The following COL5A2 variants were observed in gnomAD, a reference collection of about 807,000 sequenced individuals.
COL5A2 encodes the protein collagen type V alpha 2 chain.
Under a neutral mutation model 208.2 loss-of-function variants are expected in COL5A2, and 23 were observed. The ratio of observed to expected loss-of-function variants is 0.11; its 90% CI spans 0.08 to 0.16. The LOEUF is 0.16. Ranked by LOEUF, COL5A2 falls within the 10% of genes least tolerant of loss-of-function variation. The probability of loss-of-function intolerance (pLI) is 1.00; values close to 1 mark genes in which losing one functional copy is unlikely to be tolerated. For missense variants in COL5A2, 1,590 were observed against 1,956.4 expected (o/e 0.81, Z 3.53); for synonymous variants, 625 against 628.5 (o/e 0.99, Z 0.08).
chr2:189,094,587 TGACACACA>T (rs1203950588), intron 6 of COL5A2, among the ~76,000 whole-genome samples: 3 of 5,208 alleles, frequency 5.8e-4, no homozygotes, highest in Non-Finnish European at 7.3e-4. Context: ...TCTTTCTCTC[TGACACACA>T]CACACACACA....
the COL5A2 span, among the ~76,000 whole-genome samples, chr2:189,399,252 ATT>A: frequency 0.17 from 23,426 of 140,372 alleles, 1,816 homozygotes; most frequent in South Asian, 0.21. Flanking sequence ...TTATTTTACG[ATT>A]TTTTTTTTTT....
At chr2:189,260,532 G>C in the COL5A2 span, among the ~76,000 whole-genome samples, 1 of 152,116 alleles carries the variant, frequency 6.6e-6, no homozygotes, top group Non-Finnish European at 1.5e-5. Flanking sequence ...ATCCGGCAAA[G>C]GCTGAGAAAT....
the COL5A2 span, among the ~76,000 whole-genome samples, chr2:189,409,698 C>G: frequency 6.6e-6 from 1 of 151,836 alleles, no homozygotes; most frequent in South Asian, 2.1e-4. Flanking sequence ...TTTATAACAC[C>G]TTTTTATAAT....
the COL5A2 span, among the ~76,000 whole-genome samples, chr2:189,358,065 A>G: frequency 2.0e-5 from 3 of 152,020 alleles, no homozygotes; most frequent in African/African-American, 7.2e-5. Context: ...CCACTGTCCA[A>G]CCAGTCCCAA....
At chr2:189,105,041 A>G (rs542411269) in intron 2 of COL5A2, among the ~76,000 whole-genome samples, 3 of 151,828 alleles carry the variant, frequency 2.0e-5, no homozygotes, top group Admixed American at 2.0e-4. Flanking sequence ...GATGTACTTT[A>G]TCATCTAACC....
At chr2:189,273,059 T>C in the COL5A2 span, among the ~76,000 whole-genome samples, 34 of 152,148 alleles carry the variant, frequency 2.2e-4, no homozygotes, top group African/African-American at 8.0e-4. Flanking sequence ...ACTAGATAGA[T>C]CAAAACACTG....
the COL5A2 span, among the ~76,000 whole-genome samples, chr2:189,425,714 G>A: frequency 6.6e-6 from 1 of 152,102 alleles, no homozygotes; most frequent in Admixed American, 6.6e-5. Flanking sequence ...AATCATGGGG[G>A]CAGTTTCTCA....
chr2:189,303,243 T>C, the COL5A2 span, among the ~76,000 whole-genome samples: 1 of 152,194 alleles, frequency 6.6e-6, no homozygotes, highest in African/African-American at 2.4e-5. Context: ...GTTTCACGCA[T>C]GCATGGAAAT....
chr2:189,090,805 C>G (rs1576520120), intron 7 of COL5A2, among the ~76,000 whole-genome samples: 1 of 152,124 alleles, frequency 6.6e-6, no homozygotes, highest in African/African-American at 2.4e-5. Flanking sequence ...ATATTTCAAG[C>G]CCACTATTGA....
chr2:189,108,229 C>T (rs1473769905), intron 2 of COL5A2, among the ~76,000 whole-genome samples: 3 of 151,734 alleles, frequency 2.0e-5, no homozygotes, highest in African/African-American at 7.2e-5. Flanking sequence ...AATAAATGCT[C>T]ACATAAGTTC....
chr2:189,434,218 A>G, the COL5A2 span, among the ~76,000 whole-genome samples: 2 of 152,228 alleles, frequency 1.3e-5, no homozygotes, highest in African/African-American at 2.4e-5. Flanking sequence ...CCCACAGCGA[A>G]TATCATACTG....
At chr2:189,171,824 A>G (rs1166613509) in intron 1 of COL5A2, among the ~76,000 whole-genome samples, 2 of 152,192 alleles carry the variant, frequency 1.3e-5, no homozygotes, top group Non-Finnish European at 2.9e-5. Flanking sequence ...CTAGGAAGAG[A>G]ATATCCAGAG....
the COL5A2 span, among the ~76,000 whole-genome samples, chr2:189,419,912 G>A: frequency 5.5e-5 from 8 of 145,688 alleles, no homozygotes; most frequent in African/African-American, 2.0e-4. Flanking sequence ...AAGAGGAGGA[G>A]GAGAAGAAGG....
At position 189,064,637 on chromosome 2, in the gene COL5A2, C is replaced by T. The variant is rs369506320; in HGVS notation, c.1636G>A (p.Gly546Ser). ...TTGGGTCCTGAAGAACCTACAGGACCCCGTTCTCCTTGAGCACCCTGTACC... is the reference window on the plus strand; with the variant it reads ...TTGGGTCCTGAAGAACCTACAGGACTCCGTTCTCCTTGAGCACCCTGTACC... Reference protein sequence around the residue: ...PGPKGAQGERGPVGSSGPKGS... With the variant: ...PGPKGAQGERSPVGSSGPKGS... The change falls in exon 25 of 54, where the codon GGT becomes AGT. Residue 546 changes from glycine (G) to serine (S), a missense_variant. Coordinates refer to ENST00000374866, the MANE Select transcript of COL5A2 (RefSeq NM_000393.5). 4.3e-6 allele frequency: 7 copies of T among 1,613,474 alleles called. No individual in the cohort carries two copies. The highest frequency in any genetic ancestry group is 5.9e-6 in the Non-Finnish European group (7 of 1,179,802).
At chr2:189,440,269 T>C in the COL5A2 span, among the ~76,000 whole-genome samples, 1 of 152,226 alleles carries the variant, frequency 6.6e-6, no homozygotes, top group Non-Finnish European at 1.5e-5. Flanking sequence ...TGTGGCTTAA[T>C]GATGGGGATA....
intron 50 of COL5A2, among the ~76,000 whole-genome samples, chr2:189,040,567 C>A (rs1411892252): frequency 6.6e-6 from 1 of 152,158 alleles, no homozygotes; most frequent in Admixed American, 6.5e-5. Context: ...TGGAGTTCTA[C>A]TATTGGCTCT....
chr2:189,307,879 T>A, the COL5A2 span, among the ~76,000 whole-genome samples: 1 of 152,226 alleles, frequency 6.6e-6, no homozygotes, highest in Admixed American at 6.5e-5. Flanking sequence ...ATCTTTTTTA[T>A]CCTGTACATA....
intron 1 of COL5A2, among the ~76,000 whole-genome samples, chr2:189,218,006 A>G (rs537036477): frequency 6.6e-6 from 1 of 152,264 alleles, no homozygotes; most frequent in East Asian, 1.9e-4. Context: ...TCATGTGCAG[A>G]AGTGGTTTTC....
the COL5A2 span, among the ~76,000 whole-genome samples, chr2:189,326,835 C>T: frequency 1.2e-4 from 18 of 151,916 alleles, no homozygotes; most frequent in African/African-American, 4.1e-4. Context: ...CTTTGGGAGG[C>T]TGAGGTGGGC....
Sources: allele counts gnomAD v4.1 joint callset (sites outside exome capture counted in the v4.1 genomes callset), GRCh38; gene constraint gnomAD v4.1.1; transcripts MANE v1.5; gene names NCBI Gene and HGNC (gene_info 2026-07-23, HGNC 2026-07-21).